CSPP1: variants seen among roughly 807,000 people sequenced by gnomAD.
CSPP1 encodes the protein centrosome and spindle pole associated protein 1.
In CSPP1, 126 loss-of-function variants were observed where a neutral mutation model predicts 164.4. That is an observed-to-expected ratio of 0.77 (90% CI 0.66 to 0.89). The LOEUF (loss-of-function observed/expected upper bound fraction) is 0.89. Among genes scored for constraint, CSPP1 ranks in the 40% least tolerant of loss-of-function variants. The pLI is 0.00. For synonymous variants in CSPP1, 472 were observed against 476.7 expected, an observed-to-expected ratio of 0.99 and a Z score of 0.13; for missense variants, 1,395 against 1,449.8, an observed-to-expected ratio of 0.96 and a Z score of 0.61.
chr8:67,099,231 A>C (rs898895406), intron 7 of CSPP1: 8 of 152,014 alleles, frequency 5.3e-5, no homozygotes, highest in African/African-American at 1.7e-4. Context: ...TCCCTTTGTG[A>C]CAAAACCCAA....
At chr8:67,079,536 G>T (rs1306819896) in intron 3 of CSPP1, among the ~76,000 whole-genome samples, 1 of 152,154 alleles carries the variant, frequency 6.6e-6, no homozygotes, top group African/African-American at 2.4e-5. Flanking sequence ...TTTTGTAAAA[G>T]CTTCCTAGTG....
At chr8:67,110,149 T>C (rs959125046) in intron 9 of CSPP1, among the ~76,000 whole-genome samples, 2 of 150,552 alleles carry the variant, frequency 1.3e-5, no homozygotes, top group Non-Finnish European at 2.9e-5. Context: ...TTTGCTTATC[T>C]GTCCAGGTGC....
intron 9 of CSPP1, among the ~76,000 whole-genome samples, 158 bp downstream of exon 9, chr8:67,106,133 A>G (rs1198581194): frequency 6.6e-6 from 1 of 152,134 alleles, no homozygotes; most frequent in East Asian, 1.9e-4. Flanking sequence ...ATCATTTAAC[A>G]TATATAGCTC....
intron 3 of CSPP1, among the ~76,000 whole-genome samples, chr8:67,080,259 T>A (rs182207274): frequency 3.9e-5 from 6 of 152,372 alleles, no homozygotes; most frequent in Admixed American, 3.9e-4. Flanking sequence ...CATCGTAGTT[T>A]GAATAAGTAA....
rs142167254 is a variant in CSPP1, at chr8:67,114,515, A to G, written c.1287+145A>G. ...GCTCATTCTTAAAAAGGATGCAGCA[A>G]CTTAAAATTATTTACCTGTAGGCAA... On this transcript the variant is annotated intron_variant, in intron 12 of 30. Coordinates refer to ENST00000678616, the MANE Select transcript of CSPP1 (RefSeq NM_001382391.1). 7.6e-4 allele frequency: 116 copies of G among 152,680 alleles called. 1 individual carries two copies. Among genetic ancestry groups the G allele is most frequent in the African/African-American group, 2.6e-3 (109 of 41,588 alleles). The allele number at this position is 152,680 out of a possible 1,614,324, so 9.5% of individuals were successfully genotyped here. A position where few individuals can be genotyped will look rare whatever the true frequency, so the allele number is the denominator to read the frequency against.
At chr8:67,071,566 CTGTAA>C in intron 1 of CSPP1, among the ~76,000 whole-genome samples, 1 of 152,258 alleles carries the variant, frequency 6.6e-6, no homozygotes, top group African/African-American at 2.4e-5. Flanking sequence ...TAACCGTCTA[CTGTAA>C]ATTTCCAGTA....
At chr8:67,080,728 A>T (rs190054172) in intron 3 of CSPP1, among the ~76,000 whole-genome samples, 2 of 152,262 alleles carry the variant, frequency 1.3e-5, no homozygotes, top group Non-Finnish European at 1.5e-5. Context: ...GTTTTATAGC[A>T]TAAGTATACA....
rs1189754304 is a variant in CSPP1, at chr8:67,132,061, A to C, written c.1808A>C (p.Gln603Pro). 6.2e-7 allele frequency: 1 copy of C among 1,613,362 alleles called. No homozygotes were observed. The highest frequency in any genetic ancestry group is 8.5e-7 in the Non-Finnish European group (1 of 1,179,658). The stretch of plus-strand genomic sequence containing the variant: ...TCCAAACAGTCACTTCAGTCTTACC[A>C]AGAGGCTTTGCAGCAGCAGGTATTG... ...KPSKQSLQSY[Q>P]EALQQQIRER... is the part of the protein sequence containing the mutation. The change falls in exon 16 of 31, where the codon CAA (glutamine) becomes CCA (proline). Residue 603 changes from glutamine (Q) to proline (P), a missense_variant. Coordinates refer to ENST00000678616, the MANE Select transcript of CSPP1 (RefSeq NM_001382391.1).
rs200961310 is a variant in CSPP1, at chr8:67,177,758, T to C, written c.3156+32T>C. The C allele has an allele frequency of 1.1e-4, 161 of 1,518,534 alleles. No individual in the cohort carries two copies. The African/African-American group carries it at 1.9e-3, about 18-fold the overall frequency. The allele number at this position is 1,518,534 out of a possible 1,614,324, so 94.1% of individuals were successfully genotyped here. A position where few individuals can be genotyped will look rare whatever the true frequency, so the allele number is the denominator to read the frequency against. On this transcript the variant is annotated intron_variant, in intron 27 of 30. Transcript: ENST00000678616. ...AACCAGTTACAATTTTTCAAGTTAG[T>C]TTTTGGGGGATTAAAAATCTTTAGG...
Position 67,064,552 on chromosome 8 carries a change from T to C in CSPP1, c.-11+14T>C. On this transcript the variant is annotated intron_variant, in intron 1 of 30. Transcript: ENST00000678616. ...GTGAGTGGCGAGGTGTGGCCTGGGG[T>C]GGTGTAGGTTGAGGGTGGAGGGTCC... 2 of 1,592,016 alleles carry C rather than the reference T, an allele frequency of 1.3e-6. No individual in the cohort carries two copies. Among genetic ancestry groups the C allele is most frequent in the East Asian group, 4.5e-5 (2 of 44,242 alleles).
At position 67,184,744 on chromosome 8, in the gene CSPP1, T is replaced by TATAATAATA. The variant is rs377423199; in HGVS notation, c.3220+4835_3220+4843dup. Among the ~76,000 whole-genome samples, 393 of 142,508 alleles carry TATAATAATA rather than the reference T, an allele frequency of 2.8e-3. 4 individuals are homozygous for TATAATAATA. The highest frequency in any genetic ancestry group is 9.7e-3 in the African/African-American group (370 of 38,076). The allele number at this position is 142,508 out of a possible 152,430, so 93.5% of individuals were successfully genotyped here. On this transcript the variant is annotated intron_variant, in intron 28 of 30. Transcript: ENST00000678616. The stretch of plus-strand genomic sequence containing the variant: ...GTCTAAAAAAATAATAATAAAAAAA[T>TATAATAATA]ATAATAATAATAATAATAATAATAA...
chr8:67,065,768 A>T (rs1255371775), intron 1 of CSPP1, among the ~76,000 whole-genome samples: 1 of 152,084 alleles, frequency 6.6e-6, no homozygotes, highest in Non-Finnish European at 1.5e-5. Flanking sequence ...ACCTCAAGTG[A>T]TCCGTTTGCC....
chr8:67,134,994 A>G (rs1024892937), intron 16 of CSPP1: 3 of 152,176 alleles, frequency 2.0e-5, no homozygotes, highest in Non-Finnish European at 4.4e-5. Context: ...GAAACCAGAC[A>G]TTGACTTCTC....
Position 67,160,032 on chromosome 8 carries a change from T to TTTTC in CSPP1, c.2538+898_2538+899insCTTT, listed in dbSNP as rs1374192240. 1.9e-3 allele frequency among the ~76,000 whole-genome samples: 163 copies of TTTTC among 88,088 alleles called. 4 individuals are homozygous for TTTTC. The highest frequency in any genetic ancestry group is 5.0e-3 in the African/African-American group (71 of 14,294). The allele number at this position is 88,088 out of a possible 152,430, so 57.8% of individuals were successfully genotyped here. ...TTTTCTTTTCTTTTCTTTTCTTTTC[T>TTTTC]TTTTCTTTTTCTTTTTCTTTCTTTT... On this transcript the variant is annotated intron_variant, in intron 21 of 30. Coordinates refer to ENST00000678616, the MANE Select transcript of CSPP1 (RefSeq NM_001382391.1).
At chr8:67,117,366 C>T (rs1257814773) in intron 13 of CSPP1, among the ~76,000 whole-genome samples, 2 of 152,132 alleles carry the variant, frequency 1.3e-5, no homozygotes, top group Admixed American at 1.3e-4. Flanking sequence ...AAGTATATGA[C>T]AAGGGAGAAC....
At chr8:67,126,592 CT>C (rs1406823964) in intron 15 of CSPP1, among the ~76,000 whole-genome samples, 3 of 152,164 alleles carry the variant, frequency 2.0e-5, no homozygotes, top group African/African-American at 7.2e-5. Context: ...CAATTTACAT[CT>C]TTGTTTTAGC....
At position 67,164,481 on chromosome 8, in the gene CSPP1, T is replaced by G; in HGVS notation, c.2801T>G (p.Met934Arg). ...CGTCTACAAGAGCGATTGCTACACA[T>G]GGACAGTGATGATGAAATTCCTATC... Reference protein sequence around the residue: ...ERRLQERLLHMDSDDEIPIRK... With the variant: ...ERRLQERLLHRDSDDEIPIRK... Residue 934 changes from methionine to arginine, a missense_variant, in exon 24 of 31, where the codon ATG (methionine) becomes AGG (arginine). Met to Arg is a moderately conservative substitution (Grantham distance 91). Coordinates refer to ENST00000678616, the MANE Select transcript of CSPP1 (RefSeq NM_001382391.1). The G allele has an allele frequency of 1.3e-6, 2 of 1,577,472 alleles. No individual in the cohort carries two copies. Among genetic ancestry groups the G allele is most frequent in the Non-Finnish European group, 1.7e-6 (2 of 1,147,504 alleles).
chr8:67,152,247 G>T (rs527833189), intron 18 of CSPP1, among the ~76,000 whole-genome samples: 1 of 152,076 alleles, frequency 6.6e-6, no homozygotes, highest in Non-Finnish European at 1.5e-5. Context: ...TTGCATATAT[G>T]TAGCATTTGA....
At position 67,137,686 on chromosome 8, in the gene CSPP1, G is replaced by A. The variant is rs16933175; in HGVS notation, c.1975+83G>A. ...AAAGATTGGGGAGTAGAAAAAAGTA[G>A]GAATCATAGCCTCTATAGCAACGCA... On this transcript the variant is annotated intron_variant, in intron 17 of 30. Transcript: ENST00000678616. 3.2e-4 allele frequency: 270 copies of A among 848,196 alleles called. No homozygotes were observed. In the African/African-American group the frequency reaches 3.9e-3, roughly 12 times the overall value. 52.5% of individuals were successfully genotyped at this position (848,196 alleles called of 1,614,324 possible).
Sources: gnomAD v4.1 joint callset for allele counts (sites outside exome capture counted in the v4.1 genomes callset) on GRCh38, gnomAD v4.1.1 for gene constraint, MANE v1.5 for transcripts, NCBI Gene and HGNC (gene_info 2026-07-23, HGNC 2026-07-21) for gene names.